SUPT6H: variants seen among roughly 807,000 people sequenced by gnomAD.
SUPT6H encodes SPT6 homolog, histone chaperone and transcription elongation factor.
A neutral mutation model predicts 222.3 loss-of-function variants in SUPT6H; 11 were observed. The ratio of observed to expected loss-of-function variants is 0.05; its 90% confidence interval spans 0.03 to 0.08. SUPT6H has a LOEUF of 0.08. SUPT6H is among the 10% of genes least tolerant of loss of function. The pLI is 1.00. For missense variants in SUPT6H, 1,422 were observed against 2,216.0 expected (o/e 0.64, Z 7.19); for synonymous variants, 762 against 801.2 (o/e 0.95, Z 0.83).
At chr17:28,671,183 C>G (rs997379391) in intron 1 of SUPT6H, 1 of 152,172 alleles carries the variant, frequency 6.6e-6, no homozygotes, top group African/African-American at 2.4e-5. Flanking sequence ...TCTCTTCTCT[C>G]CCCTCCCACT....
chr17:28,699,165 G>A (rs1005270942), intron 32 of SUPT6H, among the ~76,000 whole-genome samples: 2 of 152,306 alleles, frequency 1.3e-5, no homozygotes, highest in African/African-American at 4.8e-5. Flanking sequence ...TGTGGAACGT[G>A]CTCTGTGCAT....
Position 28,688,030 on chromosome 17 carries a change from G to A in SUPT6H, c.3007-61G>A, listed in dbSNP as rs967644617. 91 of 1,500,512 alleles carry A rather than the reference G, an allele frequency of 6.1e-5. No homozygotes were observed. Among genetic ancestry groups the A allele is most frequent in the Non-Finnish European group, 7.6e-5 (85 of 1,120,806 alleles). 92.9% of individuals were successfully genotyped at this position (1,500,512 alleles called of 1,614,324 possible). ...TGTTATGAGGGTTTAATAGAGACTG[G>A]AACAGTCTGGGGAGGTGGGGCCTGC... On this transcript the variant is annotated intron_variant, in intron 23 of 36. Coordinates refer to ENST00000314616, the MANE Select transcript of SUPT6H (RefSeq NM_003170.5). This position sits in a 1 kb window ranked among gnomAD's most constrained non-coding sequence, Gnocchi z 4.3.
chr17:28,701,471 A>T lies in SUPT6H; in HGVS notation c.5027A>T (p.Lys1676Ile). The T allele has an allele frequency of 6.2e-7, 1 of 1,614,200 alleles. No homozygotes were observed. The highest frequency in any genetic ancestry group is 8.5e-7 in the Non-Finnish European group (1 of 1,180,026). Residue 1676 changes from lysine to isoleucine, a missense_variant, in exon 37 of 37, where the codon AAA becomes ATA. This residue lies in a region of SUPT6H where 395 missense variants were observed against 580.6 expected (regional missense o/e 0.68). Coordinates refer to ENST00000314616, the MANE Select transcript of SUPT6H (RefSeq NM_003170.5). ...AGCCATGCAGCCATCGACTGGGGAA[A>T]AATGGCGGAGCAGTGGCTGCAGGAA... is the stretch of plus-strand genomic sequence containing the variant. The part of the protein sequence containing the change: ...SNSHAAIDWG[K>I]MAEQWLQEKE...
rs747019259 is a variant in SUPT6H, at chr17:28,681,951, T to C, written c.1568T>C (p.Met523Thr). ...CTCAAGCAAGCCTCTCGCCGAGACA[T>C]GTACACCATCTGCCAGAGTGCTGGG... Reference protein sequence around the residue: ...PELKQASRRDMYTICQSAGLD... With the variant: ...PELKQASRRDTYTICQSAGLD... The change falls in exon 13 of 37, where the codon ATG (methionine) becomes ACG (threonine). Residue 523 changes from methionine (M) to threonine (T), a missense_variant. This residue lies in a region of SUPT6H where 389 missense variants were observed against 544.6 expected (regional missense o/e 0.71). Coordinates refer to ENST00000314616, the MANE Select transcript of SUPT6H (RefSeq NM_003170.5). The C allele has an allele frequency of 1.2e-6, 2 of 1,608,110 alleles. No individual in the cohort carries two copies. The highest frequency in any genetic ancestry group is 1.7e-6 in the Non-Finnish European group (2 of 1,178,302).
intron 36 of SUPT6H, 138 bp downstream of exon 36, chr17:28,701,266 C>A: frequency 7.1e-7 from 1 of 1,415,864 alleles, no homozygotes; most frequent in Non-Finnish European, 9.5e-7. Flanking sequence ...ACACTAGTTT[C>A]TGGGTGAAGA....
Position 28,664,369 on chromosome 17 carries a change from G to A in SUPT6H, c.-32+2027G>A, listed in dbSNP as rs1429258761. Among the ~76,000 whole-genome samples, 7 of 152,180 alleles carry A rather than the reference G, an allele frequency of 4.6e-5. No homozygotes were observed. The East Asian group carries it at 5.8e-4, about 13-fold the overall frequency. ...CTAAAAATACAAAAACTAGCCGGGC[G>A]TGGCGACACGCCTGTAATCCCAGCT... On this transcript the variant is annotated intron_variant, in intron 1 of 36. Coordinates refer to ENST00000314616, the MANE Select transcript of SUPT6H (RefSeq NM_003170.5).
chr17:28,692,816 A>G (rs1035492757), intron 27 of SUPT6H, among the ~76,000 whole-genome samples: 13 of 147,484 alleles, frequency 8.8e-5, no homozygotes, highest in African/African-American at 3.0e-4. Flanking sequence ...CCTGGCTAAC[A>G]CAGTGAAACC....
intron 33 of SUPT6H, 72 bp downstream of exon 33, chr17:28,699,965 A>C (rs2032066539): frequency 6.8e-7 from 1 of 1,470,390 alleles, no homozygotes; most frequent in African/African-American, 1.4e-5. Flanking sequence ...GAGTAGTCCC[A>C]GCCTAGGGGA....
rs144661788 is a variant in SUPT6H at position 28,674,008 on chromosome 17, C to T, written c.110-275C>T. On this transcript the variant is annotated intron_variant, in intron 2 of 36. Transcript: ENST00000314616. ...CTGAGTAAAACAAAGTTATTGGTGG[C>T]TATAATAATCTAGTAATGATTTTGA... Among the ~76,000 whole-genome samples, 496 of 152,176 alleles carry T rather than the reference C, an allele frequency of 3.3e-3. 2 individuals are homozygous for T. Among genetic ancestry groups the T allele is most frequent in the Middle Eastern group, 6.8e-3 (2 of 294 alleles).
intron 5 of SUPT6H, 25 bp downstream of exon 5, chr17:28,675,187 C>T (rs1454833979): frequency 6.3e-7 from 1 of 1,589,096 alleles, no homozygotes; most frequent in Admixed American, 1.8e-5. Flanking sequence ...GCAGGGAAGC[C>T]AGTGTTTGGA....
In SUPT6H at chr17:28,701,647, G is replaced by A. The variant is rs2032140767; in HGVS notation, c.*22G>A. 2 of 1,587,142 alleles carry A rather than the reference G, an allele frequency of 1.3e-6. No individual in the cohort carries two copies. The highest frequency in any genetic ancestry group is 4.5e-5 in the East Asian group (2 of 44,484). On this transcript the variant is annotated 3_prime_UTR_variant, in exon 37 of 37. Transcript: ENST00000314616. ...GTAGGGGGCCTGCTCCTCGGACTCTGGTTACCTCTGAGGCTGGGAAAGGCC... is the reference window on the plus strand; with the variant it reads ...GTAGGGGGCCTGCTCCTCGGACTCTAGTTACCTCTGAGGCTGGGAAAGGCC...
chr17:28,692,664 C>G (rs892831989), intron 27 of SUPT6H, among the ~76,000 whole-genome samples: 6 of 147,758 alleles, frequency 4.1e-5, no homozygotes, highest in African/African-American at 1.5e-4. Context: ...GAGTTCAAGA[C>G]CAACCTGAGC....
rs770635074 is a variant in SUPT6H at position 28,683,248 on chromosome 17, T to C, written c.1879-20T>C. On this transcript the variant is annotated intron_variant, in intron 15 of 36. Transcript: ENST00000314616. ...GCCCAGCCCATCCGCAGGCTCATGATTCCCCCTTCATGTGTGCAGGATGTG... is the reference window on the plus strand; with the variant it reads ...GCCCAGCCCATCCGCAGGCTCATGACTCCCCCTTCATGTGTGCAGGATGTG... The C allele has an allele frequency of 1.2e-6, 2 of 1,611,484 alleles. No individual in the cohort carries two copies. The highest frequency in any genetic ancestry group is 1.7e-6 in the Non-Finnish European group (2 of 1,178,164).
intron 1 of SUPT6H, chr17:28,670,399 G>A (rs2030341904): frequency 2.0e-5 from 3 of 152,088 alleles, no homozygotes; most frequent in Non-Finnish European, 4.4e-5. Flanking sequence ...ATTCCTCAGG[G>A]TACTTTTTAA....
In SUPT6H at chr17:28,662,268, C is replaced by T. The variant is rs959460703; in HGVS notation, c.-106C>T. The T allele has an allele frequency of 5.9e-6, 1 of 168,474 alleles. No individual in the cohort carries two copies. The highest frequency in any genetic ancestry group is 2.4e-5 in the African/African-American group (1 of 41,818). 10.4% of individuals were successfully genotyped at this position (168,474 alleles called of 1,614,324 possible). Reference sequence around the variant, plus strand: ...GTGCGGTGGGTCCGTACTATCTTTTCCCAGTCTCGGTTCGACGACTCCATT... The same window carrying T: ...GTGCGGTGGGTCCGTACTATCTTTTTCCAGTCTCGGTTCGACGACTCCATT... On this transcript the variant is annotated 5_prime_UTR_variant, in exon 1 of 37. Transcript: ENST00000314616.
chr17:28,693,076 G>A (rs1050565645), intron 27 of SUPT6H, among the ~76,000 whole-genome samples: 6 of 152,016 alleles, frequency 3.9e-5, no homozygotes, highest in Admixed American at 6.6e-5. Context: ...AGGCCAAGGT[G>A]GAAGGATCAC....
chr17:28,678,999 C>T (rs1223956634), intron 11 of SUPT6H, 36 bp downstream of exon 11: 7 of 1,613,326 alleles, frequency 4.3e-6, no homozygotes, highest in Non-Finnish European at 5.1e-6. Context: ...TATGGGAAGC[C>T]CTCAGACCCC....
chr17:28,693,621 C>T (rs2031774270), intron 27 of SUPT6H, 75 bp from the exon 28 acceptor site: 3 of 1,571,642 alleles, frequency 1.9e-6, no homozygotes, highest in South Asian at 1.1e-5. Context: ...ATTACAACAC[C>T]TCTGGGAGCT....
Position 28,699,790 on chromosome 17 carries a change from T to C in SUPT6H, c.4458T>C (p.Tyr1486=). ...CCTTCTAAAATCCTAGGATAGAATA[T>C]GTAACGGTGACTCCAGAGGGATTCC... ...YQPRGKPRIE[Y]VTVTPEGFRY... The change falls in exon 33 of 37, where the codon TAT becomes TAC. Residue 1486 remains tyrosine, a synonymous_variant. Coordinates refer to ENST00000314616, the MANE Select transcript of SUPT6H (RefSeq NM_003170.5). The C allele has an allele frequency of 1.2e-6, 2 of 1,614,070 alleles. No individual in the cohort carries two copies. The highest frequency in any genetic ancestry group is 1.1e-5 in the South Asian group (1 of 91,078).
Sources: gnomAD v4.1 joint callset for allele counts (sites outside exome capture counted in the v4.1 genomes callset) on GRCh38, gnomAD v4.1.1 for gene constraint, gnomAD v4.1.1 regional missense constraint, Gnocchi (gnomAD v3.1) non-coding constraint, MANE v1.5 for transcripts, NCBI Gene and HGNC (gene_info 2026-07-23, HGNC 2026-07-21) for gene names.